The following MPP7 variants were observed in gnomAD, a reference collection of about 807,000 sequenced individuals.
The protein encoded by MPP7 is MAGUK p55 scaffold protein 7.
A neutral mutation model predicts 76.5 loss-of-function variants in MPP7; 60 were observed. The observed-to-expected ratio is 0.78, with a 90% CI of 0.64 to 0.97. The LOEUF (loss-of-function observed/expected upper bound fraction) is 0.97, where lower values mean the gene tolerates loss of function less well. MPP7 is among the 50% of genes least tolerant of loss of function. The pLI is 0.00. For missense variants in MPP7, 641 were observed against 694.0 expected, an observed-to-expected ratio of 0.92 and a Z score of 0.86; for synonymous variants, 237 against 244.5, an observed-to-expected ratio of 0.97 and a Z score of 0.29.
chr10:28,179,510 A>G (rs956499559), intron 3 of MPP7, among the ~76,000 whole-genome samples: 1 of 152,230 alleles, frequency 6.6e-6, no homozygotes, highest in Non-Finnish European at 1.5e-5. Flanking sequence ...TCTTGGAAAT[A>G]TCATACATTA....
chr10:28,306,668 T>TAGAGAGAGAGAGAGAGAGAGAGAG (rs55731439), upstream of MPP7, among the ~76,000 whole-genome samples: 121 of 148,488 alleles, frequency 8.1e-4, 1 homozygote, highest in African/African-American at 2.7e-3. Context: ...GATAGATAGA[T>TAGAGAGAGAGAGAGAGAGAGAGAG]AGAGAGAGAG....
intron 2 of MPP7, among the ~76,000 whole-genome samples, chr10:28,313,064 A>C (rs2607540): frequency 6.6e-6 from 1 of 151,968 alleles, no homozygotes; most frequent in Non-Finnish European, 1.5e-5. Context: ...GGACTCTTTC[A>C]CTTAATTGTG....
At chr10:28,112,310 A>C (rs756518371) in intron 11 of MPP7, among the ~76,000 whole-genome samples, 1 of 152,088 alleles carries the variant, frequency 6.6e-6, no homozygotes, top group Non-Finnish European at 1.5e-5. Flanking sequence ...CATAGAGTCT[A>C]TTTTTTTATA....
At chr10:28,310,347 G>A (rs1211606593) in intron 2 of MPP7, among the ~76,000 whole-genome samples, 1 of 151,952 alleles carries the variant, frequency 6.6e-6, no homozygotes, top group Non-Finnish European at 1.5e-5. Flanking sequence ...TTTAAGTAGT[G>A]CAAAAATGGC....
intron 2 of MPP7, among the ~76,000 whole-genome samples, chr10:28,216,305 C>T (rs1838308554): frequency 6.6e-6 from 1 of 151,910 alleles, no homozygotes; most frequent in African/African-American, 2.4e-5. Context: ...GACACAGTGA[C>T]ACCTTGTCTC....
At chr10:28,125,210 G>A in intron 6 of MPP7, 119 bp from the exon 7 acceptor site, 1 of 795,692 alleles carries the variant, frequency 1.3e-6, no homozygotes, top group Non-Finnish European at 2.1e-6. Context: ...CGAAAAAAAA[G>A]AAATGAGGCA....
chr10:28,215,420 C>T (rs1299698720), intron 2 of MPP7, among the ~76,000 whole-genome samples: 1 of 151,984 alleles, frequency 6.6e-6, no homozygotes, highest in Non-Finnish European at 1.5e-5. Flanking sequence ...AAAATAAATG[C>T]AAAGTGACAA....
chr10:28,280,292 G>A (rs1218453042), intron 1 of MPP7: 2 of 152,022 alleles, frequency 1.3e-5, no homozygotes, highest in Admixed American at 6.5e-5. Context: ...TCAAGCCCCT[G>A]ATATAAAATA....
At chr10:28,096,536 G>A (rs1041133241) in intron 11 of MPP7, among the ~76,000 whole-genome samples, 6 of 152,158 alleles carry the variant, frequency 3.9e-5, no homozygotes, top group Non-Finnish European at 5.9e-5. Flanking sequence ...ATAAGGTCAC[G>A]AGCCCTTTGT....
At chr10:28,284,289 A>G (rs535488753) in intron 1 of MPP7, among the ~76,000 whole-genome samples, 1 of 152,344 alleles carries the variant, frequency 6.6e-6, no homozygotes, top group South Asian at 2.1e-4. Context: ...ACACAAATGT[A>G]CACAGACATT....
intron 5 of MPP7, among the ~76,000 whole-genome samples, chr10:28,132,966 G>A (rs910724542): frequency 6.6e-6 from 1 of 151,260 alleles, no homozygotes; most frequent in African/African-American, 2.4e-5. Flanking sequence ...ATCAGAGATT[G>A]GTAAACTACA....
At chr10:28,200,738 T>C (rs369070537) in intron 3 of MPP7, among the ~76,000 whole-genome samples, 1 of 152,196 alleles carries the variant, frequency 6.6e-6, no homozygotes, top group East Asian at 1.9e-4. Context: ...CTATTTTATT[T>C]GAAACTCACA....
At position 28,069,776 on chromosome 10, in the gene MPP7, C is replaced by T; in HGVS notation, c.1200G>A (p.Val400=). 1 of 1,613,546 alleles carries T rather than the reference C, an allele frequency of 6.2e-7. No individual in the cohort carries two copies. Among genetic ancestry groups the T allele is most frequent in the African/African-American group, 1.3e-5 (1 of 75,002 alleles). ...ACTGAGTAGCGCAGAACTCACGGGG[C>T]ACTGTCACGCCATAGTGCTGGGTGT... ...ISDTQHYGVT[V]PHTTRARRSQ... The change falls in exon 13 of 17, where the codon GTG becomes GTA. Residue 400 remains valine (V), a synonymous_variant. Coordinates refer to ENST00000683449, the MANE Select transcript of MPP7 (RefSeq NM_001318170.2).
intron 2 of MPP7, among the ~76,000 whole-genome samples, chr10:28,323,146 C>G (rs528492842): frequency 6.6e-6 from 1 of 151,910 alleles, no homozygotes. Flanking sequence ...ATTAGCCGGG[C>G]GTGGTGGAGG....
chr10:28,264,072 T>TG (rs1840069702), intron 1 of MPP7, among the ~76,000 whole-genome samples: 1 of 152,050 alleles, frequency 6.6e-6, no homozygotes, highest in Non-Finnish European at 1.5e-5. Flanking sequence ...CGAGGCAGGA[T>TG]GAACGCTTGA....
intron 1 of MPP7, among the ~76,000 whole-genome samples, chr10:28,282,351 T>TAA (rs1840698510): frequency 2.0e-5 from 3 of 152,090 alleles, no homozygotes; most frequent in Non-Finnish European, 2.9e-5. Flanking sequence ...TATCAATTTG[T>TAA]GTACCACTTA....
intron 3 of MPP7, among the ~76,000 whole-genome samples, chr10:28,158,319 A>ATG (rs1239405593): frequency 1.3e-5 from 2 of 152,256 alleles, no homozygotes; most frequent in East Asian, 1.9e-4. Context: ...ACTTCCCAGA[A>ATG]TGTGTGTGTG....
intron 13 of MPP7, among the ~76,000 whole-genome samples, chr10:28,060,866 C>T (rs1485498716): frequency 6.6e-6 from 1 of 152,232 alleles, no homozygotes; most frequent in Non-Finnish European, 1.5e-5. Context: ...GTGGAATGTA[C>T]AGGTTTCAGC....
At chr10:28,333,546 C>T (rs1345870078) in intron 1 of MPP7, among the ~76,000 whole-genome samples, 1 of 152,216 alleles carries the variant, frequency 6.6e-6, no homozygotes, top group African/African-American at 2.4e-5. Flanking sequence ...GAAAAGGTTA[C>T]ATGTAGGTCT....
Sources: gnomAD v4.1 joint callset for allele counts (sites outside exome capture counted in the v4.1 genomes callset) on GRCh38, gnomAD v4.1.1 for gene constraint, MANE v1.5 for transcripts, NCBI Gene and HGNC (gene_info 2026-07-23, HGNC 2026-07-21) for gene names.